Variants in NKAIN3 observed in about 807,000 individuals in gnomAD.
NKAIN3 encodes sodium/potassium transporting ATPase interacting 3.
NKAIN3 carries 25 observed loss-of-function variants against 30.2 expected under a neutral mutation model. That is an observed-to-expected ratio of 0.83 (90% CI 0.60 to 1.16). NKAIN3 has a LOEUF of 1.16. Among genes scored for constraint, NKAIN3 ranks in the 50% most tolerant of loss-of-function variants. The pLI is 0.00. For synonymous variants in NKAIN3, 91 were observed against 89.6 expected (o/e 1.02, Z -0.09); for missense variants, 225 against 254.1 (o/e 0.89, Z 0.78).
chr8:62,647,586 A>T (rs2130319340), intron 3 of NKAIN3, among the ~76,000 whole-genome samples: 1 of 152,276 alleles, frequency 6.6e-6, no homozygotes, highest in East Asian at 1.9e-4. Context: ...CCACGGGGAA[A>T]CCTGAAGGAT....
At chr8:62,887,499 A>AT (rs1414836433) in intron 4 of NKAIN3, among the ~76,000 whole-genome samples, 1 of 151,932 alleles carries the variant, frequency 6.6e-6, no homozygotes, top group Non-Finnish European at 1.5e-5. Flanking sequence ...CTTATTACAC[A>AT]TATTTTATAC....
chr8:62,693,777 G>T (rs1814060189), intron 3 of NKAIN3, among the ~76,000 whole-genome samples: 1 of 152,002 alleles, frequency 6.6e-6, no homozygotes, highest in African/African-American at 2.4e-5. Flanking sequence ...CTAATCTTAA[G>T]GCTCTGAAAA....
intron 3 of NKAIN3, among the ~76,000 whole-genome samples, chr8:62,640,871 C>A (rs77398193): frequency 0.11 from 16,439 of 152,006 alleles, 1,057 homozygotes; most frequent in East Asian, 0.32. Flanking sequence ...TTTCTTAAAT[C>A]GAAGCTGAAA....
chr8:62,789,158 C>G (rs935402887), intron 4 of NKAIN3, among the ~76,000 whole-genome samples: 44 of 152,150 alleles, frequency 2.9e-4, no homozygotes, highest in African/African-American at 9.9e-4. Context: ...ATTCTTCCTA[C>G]CCATGAGCAT....
chr8:62,378,280 T>C (rs1264055677), intron 1 of NKAIN3, among the ~76,000 whole-genome samples: 1 of 152,146 alleles, frequency 6.6e-6, no homozygotes, highest in Non-Finnish European at 1.5e-5. Flanking sequence ...TTCTAAGCAG[T>C]AAAGCATTCA....
At position 62,868,237 on chromosome 8, in the gene NKAIN3, G is replaced by A. The variant is rs117350799; in HGVS notation, c.472-50216G>A. Among the ~76,000 whole-genome samples the A allele has an allele frequency of 2.7e-3, 418 of 152,292 alleles. 2 individuals are homozygous for A. The highest frequency in any genetic ancestry group is 8.7e-3 in the East Asian group (45 of 5,188). On this transcript the variant is annotated intron_variant, in intron 4 of 6. Transcript: ENST00000623646. ...ACTGCTTTAAATAACCCTCTATGGT[G>A]AGGCATAAGAACTTTAATGAAAGCA... is the stretch of plus-strand genomic sequence containing the variant.
chr8:62,472,680 A>G (rs1476033728), intron 1 of NKAIN3, among the ~76,000 whole-genome samples: 1 of 152,214 alleles, frequency 6.6e-6, no homozygotes, highest in African/African-American at 2.4e-5. Context: ...GATCCAGGGA[A>G]GAATAAGTCC....
At chr8:62,913,382 T>C (rs1200361720) in intron 4 of NKAIN3, among the ~76,000 whole-genome samples, 4 of 152,196 alleles carry the variant, frequency 2.6e-5, no homozygotes, top group African/African-American at 9.7e-5. Flanking sequence ...ACAATGTCAA[T>C]AGGAATTTTC....
In NKAIN3 at chr8:62,689,745, T is replaced by A. The variant is rs80167536; in HGVS notation, c.274-57187T>A. Reference sequence around the variant, plus strand: ...CCTTATCTGAATTTCCTCTTCTTTATCTCTTTGACCCTGGAATTCAATAAA... The same window carrying A: ...CCTTATCTGAATTTCCTCTTCTTTAACTCTTTGACCCTGGAATTCAATAAA... On this transcript the variant is annotated intron_variant, in intron 3 of 6. Transcript: ENST00000623646. Among the ~76,000 whole-genome samples, 106 of 152,216 alleles carry A rather than the reference T, an allele frequency of 7.0e-4. 1 individual carries two copies. The highest frequency in any genetic ancestry group is 2.5e-3 in the African/African-American group (104 of 41,510).
intron 1 of NKAIN3, among the ~76,000 whole-genome samples, chr8:62,349,220 G>C (rs964920630): frequency 3.9e-5 from 6 of 152,088 alleles, no homozygotes; most frequent in Non-Finnish European, 5.9e-5. Flanking sequence ...TGCTTGGAGG[G>C]TCCAGGTGTT....
At chr8:62,893,755 C>T (rs1298418668) in intron 4 of NKAIN3, among the ~76,000 whole-genome samples, 40 of 152,196 alleles carry the variant, frequency 2.6e-4, no homozygotes, top group Non-Finnish European at 1.8e-4. Context: ...AATATCCAGA[C>T]CCTGGAAATA....
intron 1 of NKAIN3, among the ~76,000 whole-genome samples, chr8:62,402,699 A>G (rs966643618): frequency 4.6e-5 from 7 of 152,200 alleles, no homozygotes; most frequent in Non-Finnish European, 8.8e-5. Context: ...TCAGCCCTGC[A>G]GAACTGTAAG....
chr8:62,256,798 GC>G (rs1350360573), intron 1 of NKAIN3, among the ~76,000 whole-genome samples: 1 of 152,106 alleles, frequency 6.6e-6, no homozygotes, highest in Non-Finnish European at 1.5e-5. Context: ...AGATCACTTT[GC>G]TTTTATAAAA....
chr8:62,658,829 A>T (rs193101123), intron 3 of NKAIN3, among the ~76,000 whole-genome samples: 1 of 152,140 alleles, frequency 6.6e-6, no homozygotes, highest in East Asian at 1.9e-4. Flanking sequence ...CTATAATTCC[A>T]ACCTGTCCTA....
chr8:62,736,680 G>A (rs997475054), intron 3 of NKAIN3, among the ~76,000 whole-genome samples: 2 of 152,146 alleles, frequency 1.3e-5, no homozygotes, highest in African/African-American at 4.8e-5. Context: ...CTTCTGTGCT[G>A]TGTCTGCATT....
chr8:62,730,951 G>A (rs973284527), intron 3 of NKAIN3, among the ~76,000 whole-genome samples: 24 of 152,082 alleles, frequency 1.6e-4, no homozygotes, highest in African/African-American at 5.3e-4. Flanking sequence ...TCCTTTTGAT[G>A]CTCAAATTAT....
chr8:62,521,221 C>T (rs1049456229), intron 1 of NKAIN3, among the ~76,000 whole-genome samples: 2 of 151,974 alleles, frequency 1.3e-5, no homozygotes, highest in African/African-American at 2.4e-5. Context: ...AGGTCTCTTC[C>T]TGCTGTGACG....
At chr8:62,434,621 T>C (rs1302009548) in intron 1 of NKAIN3, among the ~76,000 whole-genome samples, 1 of 152,166 alleles carries the variant, frequency 6.6e-6, no homozygotes, top group Admixed American at 6.5e-5. Flanking sequence ...TTAAACAAAT[T>C]ACATCATGAT....
In NKAIN3 at chr8:62,746,161, G is replaced by A. The variant is rs551106041; in HGVS notation, c.274-771G>A. Among the ~76,000 whole-genome samples the A allele has an allele frequency of 7.9e-5, 12 of 152,288 alleles. No homozygotes were observed. The South Asian group carries it at 1.0e-3, about 13-fold the overall frequency. On this transcript the variant is annotated intron_variant, in intron 3 of 6. Transcript: ENST00000623646. ...GCTTTAGAGGAGAATTCTTCCTGGC[G>A]TCTTCCCACTTTTGGTGGCTGGCAG...
Sources: gnomAD v4.1 joint callset for allele counts (sites outside exome capture counted in the v4.1 genomes callset) on GRCh38, gnomAD v4.1.1 for gene constraint, MANE v1.5 for transcripts, NCBI Gene and HGNC (gene_info 2026-07-23, HGNC 2026-07-21) for gene names.